Variants in USH2A observed in about 807,000 individuals in gnomAD.
The protein encoded by USH2A is usherin.
A neutral mutation model predicts 538.9 loss-of-function variants in USH2A; 443 were observed. The observed-to-expected ratio is 0.82, with a 90% CI of 0.76 to 0.89. The LOEUF is 0.89. Among genes scored for constraint, USH2A ranks in the 40% least tolerant of loss-of-function variants. USH2A has a pLI of 0.00. For synonymous variants in USH2A, 2,413 were observed against 2,273.5 expected (o/e 1.06, Z -1.75); for missense variants, 6,633 against 6,324.8 (o/e 1.05, Z -1.65).
chr1:215,722,827 A>G (rs190589735), intron 61 of USH2A, among the ~76,000 whole-genome samples: 31 of 152,320 alleles, frequency 2.0e-4, no homozygotes, highest in African/African-American at 7.2e-4. Context: ...TGGAACAAGC[A>G]AGGATATAGT....
intron 3 of USH2A, among the ~76,000 whole-genome samples, chr1:216,411,387 G>A (rs780023214): frequency 5.3e-5 from 8 of 152,132 alleles, no homozygotes; most frequent in Non-Finnish European, 1.2e-4. Context: ...CTATGTGCCT[G>A]TGACTCTGAC....
At chr1:216,324,412 C>G in intron 6 of USH2A, 60 bp from the exon 7 acceptor site, 1 of 1,424,694 alleles carries the variant, frequency 7.0e-7, no homozygotes. Flanking sequence ...CAGTATATAT[C>G]AAACCATGGA....
intron 31 of USH2A, among the ~76,000 whole-genome samples, chr1:216,048,163 C>A (rs139794515): frequency 1.2e-3 from 178 of 152,264 alleles, no homozygotes; most frequent in African/African-American, 4.1e-3. Flanking sequence ...TCATACTGTG[C>A]CATACAATCA....
At chr1:215,893,950 G>A (rs955311290) in intron 40 of USH2A, among the ~76,000 whole-genome samples, 7 of 152,166 alleles carry the variant, frequency 4.6e-5, no homozygotes, top group Non-Finnish European at 8.8e-5. Context: ...TCAGGAATTT[G>A]TGGAGAAAAT....
intron 3 of USH2A, among the ~76,000 whole-genome samples, chr1:216,382,209 A>C (rs1384315936): frequency 6.6e-6 from 1 of 152,198 alleles, no homozygotes; most frequent in Admixed American, 6.5e-5. Context: ...CAAATAAAGC[A>C]CATTGAGTAA....
At chr1:215,869,989 A>G (rs1664580049) in intron 43 of USH2A, among the ~76,000 whole-genome samples, 1 of 152,202 alleles carries the variant, frequency 6.6e-6, no homozygotes, top group Admixed American at 6.5e-5. Flanking sequence ...TTAGAGTAAG[A>G]GATGGCTTTA....
chr1:216,417,377 A>G (rs2039593443), intron 3 of USH2A, among the ~76,000 whole-genome samples: 1 of 152,092 alleles, frequency 6.6e-6, no homozygotes, highest in Non-Finnish European at 1.5e-5. Flanking sequence ...GGATGCTCAT[A>G]TGAGAGCTCA....
chr1:216,313,788 A>G (rs542012714), intron 9 of USH2A, among the ~76,000 whole-genome samples: 2 of 152,308 alleles, frequency 1.3e-5, no homozygotes, highest in African/African-American at 4.8e-5. Context: ...TACTACTACA[A>G]ATACAATTCC....
intron 35 of USH2A, among the ~76,000 whole-genome samples, chr1:215,979,444 A>G (rs180741478): frequency 6.6e-6 from 1 of 152,342 alleles, no homozygotes; most frequent in East Asian, 1.9e-4. Flanking sequence ...GTTTTTATGA[A>G]CTGACTAGCG....
intron 4 of USH2A, among the ~76,000 whole-genome samples, chr1:216,363,425 T>C (rs578165027): frequency 1.3e-5 from 2 of 152,154 alleles, no homozygotes; most frequent in Non-Finnish European, 2.9e-5. Context: ...TGCCAGGCCA[T>C]ATAGCTAGTA....
intron 9 of USH2A, among the ~76,000 whole-genome samples, chr1:216,307,334 C>T (rs1045470410): frequency 5.3e-5 from 8 of 152,128 alleles, no homozygotes; most frequent in African/African-American, 1.7e-4. Context: ...ATACAGGTCA[C>T]CAGGAAAGTA....
chr1:215,861,526 G>T (rs1291587826), intron 44 of USH2A, among the ~76,000 whole-genome samples: 1 of 152,156 alleles, frequency 6.6e-6, no homozygotes, highest in African/African-American at 2.4e-5. Flanking sequence ...CTCTTATGGG[G>T]ATTTTGGATC....
intron 62 of USH2A, 75 bp from the exon 63 acceptor site, chr1:215,675,691 ACCTTC>A: frequency 6.2e-7 from 1 of 1,610,370 alleles, no homozygotes. Context: ...CCCCTTTTTA[ACCTTC>A]ACCCCCTTGT....
At chr1:215,808,255 T>A (rs1662559510) in intron 49 of USH2A, among the ~76,000 whole-genome samples, 1 of 152,106 alleles carries the variant, frequency 6.6e-6, no homozygotes, top group South Asian at 2.1e-4. Context: ...ACTGTTCTAC[T>A]AACATATGAG....
intron 37 of USH2A, among the ~76,000 whole-genome samples, chr1:215,950,752 C>G (rs867951619): frequency 2.6e-5 from 4 of 152,026 alleles, no homozygotes; most frequent in African/African-American, 9.7e-5. Context: ...CCTTGTGATC[C>G]ACCCGCCTCA....
At chr1:216,095,209 T>C (rs954238314) in intron 22 of USH2A, among the ~76,000 whole-genome samples, 3 of 152,172 alleles carry the variant, frequency 2.0e-5, no homozygotes, top group African/African-American at 7.2e-5. Context: ...GCATGTGCTT[T>C]TTGTTCTCCT....
chr1:215,867,719 C>T (rs1045364966), intron 43 of USH2A, among the ~76,000 whole-genome samples: 1 of 152,216 alleles, frequency 6.6e-6, no homozygotes, highest in East Asian at 1.9e-4. Context: ...AACATTCTCC[C>T]GCTGAGAGTT....
At chr1:216,405,144 C>T (rs183027687) in intron 3 of USH2A, among the ~76,000 whole-genome samples, 197 of 152,170 alleles carry the variant, frequency 1.3e-3, no homozygotes, top group African/African-American at 4.0e-3. Context: ...GCATGAGCCA[C>T]CATGCCTGGC....
chr1:215,684,951 ATTC>A (rs1658365027), intron 61 of USH2A, among the ~76,000 whole-genome samples: 1 of 151,264 alleles, frequency 6.6e-6, no homozygotes, highest in African/African-American at 2.4e-5. Context: ...TAACCTCTGT[ATTC>A]TTAAGTTGAA....
Sources: gnomAD v4.1 joint callset for allele counts (sites outside exome capture counted in the v4.1 genomes callset) on GRCh38, gnomAD v4.1.1 for gene constraint, MANE v1.5 for transcripts, NCBI Gene and HGNC (gene_info 2026-07-23, HGNC 2026-07-21) for gene names.